Variants in SUPT16H observed in about 807,000 individuals in gnomAD.
SUPT16H encodes the protein FACT complex subunit SPT16.
In SUPT16H, 24 loss-of-function variants were observed where a neutral mutation model predicts 136.2. The ratio of observed to expected loss-of-function variants is 0.18; its 90% CI spans 0.13 to 0.25. SUPT16H has a LOEUF of 0.25. Among genes scored for constraint, SUPT16H ranks in the 10% least tolerant of loss-of-function variants. The pLI is 1.00. For synonymous variants in SUPT16H, 415 were observed against 428.2 expected, an observed-to-expected ratio of 0.97 and a Z score of 0.38; for missense variants, 623 against 1,270.2, an observed-to-expected ratio of 0.49 and a Z score of 7.74.
rs201517102 is a variant in SUPT16H at position 21,365,059 on chromosome 14, G to A, written c.1120+11C>T. 1.9e-3 allele frequency: 3,082 copies of A among 1,613,152 alleles called. 8 individuals are homozygous for A. The highest frequency in any genetic ancestry group is 2.3e-3 in the Non-Finnish European group (2,706 of 1,179,372). The stretch of plus-strand genomic sequence containing the variant: ...TCACAAAAGCATTTTCCTATTGTAT[G>A]TGAAACTTACCTTTCTTCAGTTTGT... On this transcript the variant is annotated intron_variant, in intron 9 of 25. Coordinates refer to ENST00000216297, the MANE Select transcript of SUPT16H (RefSeq NM_007192.4).
At chr14:21,370,921 G>A (rs534650257) in intron 3 of SUPT16H, among the ~76,000 whole-genome samples, 12 of 152,208 alleles carry the variant, frequency 7.9e-5, no homozygotes, top group African/African-American at 2.4e-4. Context: ...GATTACAGGT[G>A]TGTGACAACA....
chr14:21,374,302 C>T (rs928115153), intron 1 of SUPT16H, among the ~76,000 whole-genome samples: 3 of 152,236 alleles, frequency 2.0e-5, no homozygotes, highest in Admixed American at 2.0e-4. Context: ...TAGGTTTTGT[C>T]AACCTCAATA....
chr14:21,370,339 G>C lies in SUPT16H; in HGVS notation c.480C>G (p.Asp160Glu). The change falls in exon 4 of 26, where the codon GAC becomes GAG. Residue 160 changes from aspartate to glutamate, a missense_variant. Coordinates refer to ENST00000216297, the MANE Select transcript of SUPT16H (RefSeq NM_007192.4). Reference sequence around the variant, plus strand: ...CTATTTCCAGTAGTATTCTTACTTTGTCAAAGCCTTCTTTGTTGAGGCAGT... The same window carrying C: ...CTATTTCCAGTAGTATTCTTACTTTCTCAAAGCCTTCTTTGTTGAGGCAGT... ...WNDCLNKEGF[D>E]KIDISAVVAY... 2 of 1,610,784 alleles carry C rather than the reference G, an allele frequency of 1.2e-6. No individual in the cohort carries two copies. The highest frequency in any genetic ancestry group is 1.1e-5 in the South Asian group (1 of 90,448).
chr14:21,371,245 A>AT (rs1211924068), intron 3 of SUPT16H, among the ~76,000 whole-genome samples: 1 of 152,054 alleles, frequency 6.6e-6, no homozygotes, highest in Non-Finnish European at 1.5e-5. Context: ...TTCTTTAGAT[A>AT]TTTTTATATA....
At chr14:21,381,125 C>T (rs1017900646) in intron 1 of SUPT16H, among the ~76,000 whole-genome samples, 2 of 151,986 alleles carry the variant, frequency 1.3e-5, no homozygotes, top group Admixed American at 6.6e-5. Context: ...AACAATAGTA[C>T]GTTCTAAGGT....
chr14:21,381,615 T>A (rs1471669850), intron 1 of SUPT16H, among the ~76,000 whole-genome samples: 1 of 151,878 alleles, frequency 6.6e-6, no homozygotes, highest in African/African-American at 2.4e-5. Flanking sequence ...TTTATTTTTT[T>A]TTTTTTTAAT....
chr14:21,376,906 G>A (rs1405732461), intron 1 of SUPT16H, among the ~76,000 whole-genome samples: 1 of 151,932 alleles, frequency 6.6e-6, no homozygotes, highest in East Asian at 1.9e-4. Context: ...AAGATAACTA[G>A]CCATTTGAAG....
chr14:21,371,772 A>G, intron 3 of SUPT16H, 102 bp downstream of exon 3: 2 of 1,401,740 alleles, frequency 1.4e-6, no homozygotes, highest in Non-Finnish European at 1.9e-6. Flanking sequence ...ACAGCCACCT[A>G]TAATTTCCCC....
At chr14:21,366,556 TA>T in intron 7 of SUPT16H, 27 bp from the exon 8 acceptor site, 1 of 1,589,940 alleles carries the variant, frequency 6.3e-7, no homozygotes, top group Non-Finnish European at 8.6e-7. Flanking sequence ...AAGGAGATAT[TA>T]AAGTATCTTT....
chr14:21,382,832 C>A (rs1566399419), intron 1 of SUPT16H: 1 of 152,156 alleles, frequency 6.6e-6, no homozygotes, highest in East Asian at 1.9e-4. Context: ...ATGTATTTAG[C>A]CCCAAAAGAT....
At chr14:21,355,974 G>A (rs762708239) in intron 22 of SUPT16H, among the ~76,000 whole-genome samples, 9 of 152,142 alleles carry the variant, frequency 5.9e-5, no homozygotes, top group Non-Finnish European at 1.2e-4. Context: ...AGCAGCACAA[G>A]ACCATAATCC....
intron 1 of SUPT16H, 27 bp downstream of exon 1, chr14:21,383,835 T>C (rs1305254902): frequency 1.9e-6 from 3 of 1,613,706 alleles, no homozygotes; most frequent in Non-Finnish European, 2.5e-6. Flanking sequence ...GGGGGCTCCC[T>C]AGGAAAAATT....
Position 21,361,217 on chromosome 14 carries a change from C to T in SUPT16H, c.1794-4G>A. Reference sequence around the variant, plus strand: ...AATATTTGATGCTCGGTATGTACTGCAGAAAAGCAACAGCATTTATAGACA... The same window carrying T: ...AATATTTGATGCTCGGTATGTACTGTAGAAAAGCAACAGCATTTATAGACA... On this transcript the variant is annotated splice_region_variant and splice_polypyrimidine_tract_variant and intron_variant, in intron 15 of 25. Coordinates refer to ENST00000216297, the MANE Select transcript of SUPT16H (RefSeq NM_007192.4). 6.2e-7 allele frequency: 1 copy of T among 1,612,086 alleles called. No homozygotes were observed. Among genetic ancestry groups the T allele is most frequent in the Non-Finnish European group, 8.5e-7 (1 of 1,179,548 alleles).
intron 8 of SUPT16H, 57 bp downstream of exon 8, chr14:21,366,381 AC>A (rs1886666981): frequency 6.7e-7 from 1 of 1,488,320 alleles, no homozygotes; most frequent in Non-Finnish European, 9.4e-7. Context: ...AATAAGACTG[AC>A]CACTGACAGT....
chr14:21,376,360 A>G (rs952722195), intron 1 of SUPT16H, among the ~76,000 whole-genome samples: 1 of 152,118 alleles, frequency 6.6e-6, no homozygotes, highest in Non-Finnish European at 1.5e-5. Context: ...GGTCATTCTG[A>G]GCTATAATTC....
rs1886528012 is a variant in SUPT16H, at chr14:21,360,448, T to C, written c.2142A>G (p.Gly714=). 6.2e-7 allele frequency: 1 copy of C among 1,613,988 alleles called. No individual in the cohort carries two copies. The highest frequency in any genetic ancestry group is 2.2e-5 in the East Asian group (1 of 44,886). Residue 714 remains glycine, a synonymous_variant, in exon 18 of 26, where the codon GGA becomes GGG. Transcript: ENST00000216297. ...IKHALFQPCD[G]EMIIVLHFHL... ...GAAAGTGCAAGACAATAATCATTTCTCCATCACAGGGCTGGAACAAAGCAT... is the reference window on the plus strand; with the variant it reads ...GAAAGTGCAAGACAATAATCATTTCCCCATCACAGGGCTGGAACAAAGCAT...
intron 1 of SUPT16H, 165 bp downstream of exon 1, chr14:21,383,697 G>GC (rs1566400392): frequency 7.8e-6 from 6 of 764,354 alleles, no homozygotes; most frequent in South Asian, 2.9e-5. Flanking sequence ...CTGTTAAGGG[G>GC]CAGCGTTCGT....
At chr14:21,381,766 T>C (rs1048419413) in intron 1 of SUPT16H, among the ~76,000 whole-genome samples, 9 of 147,248 alleles carry the variant, frequency 6.1e-5, no homozygotes, top group Admixed American at 2.1e-4. Flanking sequence ...CACACCACCA[T>C]GCCTGGTTAA....
intron 1 of SUPT16H, chr14:21,382,846 A>T (rs933012696): frequency 6.6e-6 from 1 of 152,234 alleles, no homozygotes; most frequent in African/African-American, 2.4e-5. Context: ...AAAAGATGAA[A>T]CATGCACAGA....
Sources: allele counts gnomAD v4.1 joint callset (sites outside exome capture counted in the v4.1 genomes callset), GRCh38; gene constraint gnomAD v4.1.1; transcripts MANE v1.5; gene names NCBI Gene and HGNC (gene_info 2026-07-23, HGNC 2026-07-21).